The following MYH10 variants were observed in gnomAD, a reference collection of about 807,000 sequenced individuals.
The protein encoded by MYH10 is myosin-10.
In MYH10, 55 loss-of-function variants were observed where a neutral mutation model predicts 257.8. The observed-to-expected ratio is 0.21, with a 90% CI of 0.17 to 0.27. The LOEUF (loss-of-function observed/expected upper bound fraction) is 0.27, where lower values mean the gene tolerates loss of function less well. Ranked by LOEUF, MYH10 falls within the 10% of genes least tolerant of loss-of-function variation. The pLI, the probability that MYH10 is intolerant of heterozygous loss-of-function variation, is 1.00. For synonymous variants in MYH10, 854 were observed against 921.7 expected (o/e 0.93, Z 1.33); for missense variants, 1,631 against 2,500.6 (o/e 0.65, Z 7.42).
At chr17:8,493,650 C>A (rs941701815) in intron 32 of MYH10, 83 bp downstream of exon 32, 22 of 1,469,394 alleles carry the variant, frequency 1.5e-5, no homozygotes, top group Admixed American at 7.0e-5. Flanking sequence ...CCAAATGGAG[C>A]TGAGACAGCC....
chr17:8,490,655 TTTGGTCCCCCTGGGCCG>T lies in MYH10; in HGVS notation c.4672-120_4672-104del. ...GGCCCACTCGTGGCATGCTGGCCAC[TTTGGTCCCCCTGGGCCG>T]GCCCCCTGCCACATGCATACACATC... is the stretch of plus-strand genomic sequence containing the variant. On this transcript the variant is annotated intron_variant, in intron 34 of 42. Transcript: ENST00000360416. The surrounding 1 kb of genome is among the most constrained non-coding windows in gnomAD (Gnocchi z 4.1). 1.7e-6 allele frequency: 2 copies of T among 1,201,998 alleles called. No individual in the cohort carries two copies. Among genetic ancestry groups the T allele is most frequent in the African/African-American group, 3.0e-5 (2 of 66,814 alleles). 74.5% of individuals were successfully genotyped at this position (1,201,998 alleles called of 1,614,324 possible).
chr17:8,598,164 C>A (rs537594527), intron 3 of MYH10, among the ~76,000 whole-genome samples: 1 of 152,226 alleles, frequency 6.6e-6, no homozygotes, highest in South Asian at 2.1e-4. Flanking sequence ...ACAGACCTGA[C>A]CACTAAAATT....
In MYH10 at chr17:8,504,934, A is replaced by G. The variant is rs754479534; in HGVS notation, c.3387-28T>C. 5 of 1,598,992 alleles carry G rather than the reference A, an allele frequency of 3.1e-6. No individual in the cohort carries two copies. Among genetic ancestry groups the G allele is most frequent in the Non-Finnish European group, 4.3e-6 (5 of 1,166,662 alleles). On this transcript the variant is annotated intron_variant, in intron 27 of 42. Coordinates refer to ENST00000360416, the MANE Select transcript of MYH10 (RefSeq NM_001256012.3). This position sits in a 1 kb window ranked among gnomAD's most constrained non-coding sequence, Gnocchi z 5.6. Reference sequence around the variant, plus strand: ...GTTAAAACACCCAGGCGCAAGAGGCACTCAGAGATGGCACCCGGATGGCCT... The same window carrying G: ...GTTAAAACACCCAGGCGCAAGAGGCGCTCAGAGATGGCACCCGGATGGCCT...
At chr17:8,588,320 G>C (rs909316638) in intron 4 of MYH10, among the ~76,000 whole-genome samples, 1 of 152,064 alleles carries the variant, frequency 6.6e-6, no homozygotes, top group Non-Finnish European at 1.5e-5. Context: ...AGAGCCCAAT[G>C]ACAGCTCCAC....
At chr17:8,530,483 C>A in intron 17 of MYH10, 140 bp downstream of exon 17, 1 of 604,536 alleles carries the variant, frequency 1.7e-6, no homozygotes. Flanking sequence ...ATGAGCAAAA[C>A]AAAAACAGAA....
chr17:8,481,872 C>G (rs1002395615), intron 37 of MYH10, among the ~76,000 whole-genome samples: 1 of 152,216 alleles, frequency 6.6e-6, no homozygotes, highest in Admixed American at 6.5e-5. Context: ...TGTGCCGCAA[C>G]AAGGATCAAT....
chr17:8,509,744 T>C, intron 25 of MYH10, 68 bp downstream of exon 25: 2 of 1,444,386 alleles, frequency 1.4e-6, no homozygotes, highest in African/African-American at 1.5e-5. Flanking sequence ...TCAATGAGTG[T>C]ATCAACATAA....
chr17:8,507,723 G>A (rs2081118659), intron 26 of MYH10, among the ~76,000 whole-genome samples: 1 of 152,216 alleles, frequency 6.6e-6, no homozygotes, highest in Non-Finnish European at 1.5e-5. Context: ...TGTAATCCCA[G>A]CACTCTGGGA....
In MYH10 at chr17:8,585,337, A is replaced by G. The variant is rs192712454; in HGVS notation, c.530+3744T>C. Among the ~76,000 whole-genome samples, 32 of 127,236 alleles carry G rather than the reference A, an allele frequency of 2.5e-4. No homozygotes were observed. In the East Asian group the frequency reaches 7.3e-3, roughly 29 times the overall value. The allele number at this position is 127,236 out of a possible 152,430, so 83.5% of individuals were successfully genotyped here. A position where few individuals can be genotyped will look rare whatever the true frequency, so the allele number is the denominator to read the frequency against. ...ATATGGAAAGTTTGTGAAGTTGACT[A>G]AACAGTTTTTTAATAAGAGAAAAGG... On this transcript the variant is annotated intron_variant, in intron 4 of 42. Transcript: ENST00000360416.
At chr17:8,478,260 T>G in intron 41 of MYH10, 78 bp downstream of exon 41, 1 of 1,243,760 alleles carries the variant, frequency 8.0e-7, no homozygotes, top group Non-Finnish European at 1.2e-6. Context: ...TGAATTCCAC[T>G]GGTCAGTTGT....
At chr17:8,540,957 A>G (rs896661109) in intron 14 of MYH10, among the ~76,000 whole-genome samples, 6 of 152,252 alleles carry the variant, frequency 3.9e-5, no homozygotes, top group East Asian at 1.9e-4. Context: ...CCTCACAACT[A>G]TAAGTAATTT....
At chr17:8,574,119 G>GA (rs1029688678) in intron 6 of MYH10, among the ~76,000 whole-genome samples, 4 of 151,880 alleles carry the variant, frequency 2.6e-5, no homozygotes, top group Non-Finnish European at 5.9e-5. Flanking sequence ...CCAAAAAGTA[G>GA]AAAAAAATCC....
chr17:8,563,890 GGAA>G (rs1329846910), intron 7 of MYH10, among the ~76,000 whole-genome samples: 124 of 98,632 alleles, frequency 1.3e-3, no homozygotes, highest in Middle Eastern at 0.011. Context: ...AAGTCAACTT[GGAA>G]AAAAAAAAAA....
chr17:8,499,303 C>T lies in MYH10; in HGVS notation c.3918G>A (p.Arg1306=). 6.2e-7 allele frequency: 1 copy of T among 1,614,062 alleles called. No homozygotes were observed. Among genetic ancestry groups the T allele is most frequent in the Non-Finnish European group, 8.5e-7 (1 of 1,180,008 alleles). Residue 1306 remains arginine, a synonymous_variant, in exon 30 of 43, where the codon AGG becomes AGA. Coordinates refer to ENST00000360416, the MANE Select transcript of MYH10 (RefSeq NM_001256012.3). The stretch of plus-strand genomic sequence containing the variant: ...TACTTGCTTTCTCCGCCAGCTCCAC[C>T]CTGAGCCTGTCGCCTTCAGAGACCT... ...HAKVSEGDRL[R]VELAEKASKL...
intron 3 of MYH10, among the ~76,000 whole-genome samples, chr17:8,604,373 C>A (rs879352519): frequency 4.6e-5 from 7 of 152,188 alleles, no homozygotes; most frequent in Non-Finnish European, 1.0e-4. Flanking sequence ...GGAATACAAT[C>A]AAAATCAACC....
chr17:8,499,499 T>A (rs1223832768), intron 29 of MYH10, 23 bp from the exon 30 acceptor site: 2 of 1,610,302 alleles, frequency 1.2e-6, no homozygotes. Flanking sequence ...AGGGAAAACA[T>A]AATTCACTAG....
chr17:8,533,995 G>T (rs546912286), intron 16 of MYH10, among the ~76,000 whole-genome samples: 25 of 152,054 alleles, frequency 1.6e-4, no homozygotes, highest in Admixed American at 1.6e-3. Flanking sequence ...ACTCACCAGC[G>T]CTGGCCTTTC....
At position 8,490,889 on chromosome 17, in the gene MYH10, C is replaced by A. The variant is rs1430640483; in HGVS notation, c.4672-337G>T. 1.3e-5 allele frequency among the ~76,000 whole-genome samples: 2 copies of A among 152,230 alleles called. No individual in the cohort carries two copies. Among genetic ancestry groups the A allele is most frequent in the Non-Finnish European group, 2.9e-5 (2 of 68,038 alleles). ...AGGGAACCTGTCTGTTGACTGACTC[C>A]TTGCCTGCTGTCTGTGAGGAACAAG... On this transcript the variant is annotated intron_variant, in intron 34 of 42. Transcript: ENST00000360416. The surrounding 1 kb of genome is among the most constrained non-coding windows in gnomAD (Gnocchi z 4.1).
At chr17:8,502,133 G>GA (rs1377990867) in intron 28 of MYH10, among the ~76,000 whole-genome samples, 1 of 152,190 alleles carries the variant, frequency 6.6e-6, no homozygotes, top group African/African-American at 2.4e-5. Context: ...TTAGAACAGT[G>GA]ATTTACACAC....
Sources: gnomAD v4.1 joint callset for allele counts (sites outside exome capture counted in the v4.1 genomes callset) on GRCh38, gnomAD v4.1.1 for gene constraint, Gnocchi (gnomAD v3.1) non-coding constraint, MANE v1.5 for transcripts, NCBI Gene and HGNC (gene_info 2026-07-23, HGNC 2026-07-21) for gene names.